ZBTB20: variants seen among roughly 807,000 people sequenced by gnomAD.
ZBTB20 encodes zinc finger and BTB domain-containing protein 20.
In ZBTB20, 9 loss-of-function variants were observed where a neutral mutation model predicts 56.9. That is an observed-to-expected ratio of 0.16 (90% CI 0.10 to 0.28). ZBTB20 has a LOEUF of 0.28. ZBTB20 is among the 10% of genes least tolerant of loss of function. The pLI is 1.00. For synonymous variants in ZBTB20, 417 were observed against 420.7 expected (o/e 0.99, Z 0.11); for missense variants, 655 against 1,003.0 (o/e 0.65, Z 4.69).
At position 114,648,875 on chromosome 3, in the gene ZBTB20, T is replaced by C. The variant is rs1334411225; in HGVS notation, c.-295+44653A>G. ...CCTAAAATGAAACTAAGGCAAATAT[T>C]ATTTATTCTAGCTTCTACTCTTTTG... On this transcript the variant is annotated intron_variant, in intron 6 of 11. Transcript: ENST00000675478. Among the ~76,000 whole-genome samples, 3 of 152,114 alleles carry C rather than the reference T, an allele frequency of 2.0e-5. No individual in the cohort carries two copies. In the East Asian group the frequency reaches 5.8e-4, roughly 29 times the overall value.
chr3:114,851,174 G>GA (rs1279286878), intron 4 of ZBTB20, among the ~76,000 whole-genome samples: 3 of 152,186 alleles, frequency 2.0e-5, no homozygotes, highest in African/African-American at 7.2e-5. Flanking sequence ...ACTCATGCAA[G>GA]AAAAAACAGA....
At chr3:114,934,526 A>G (rs2076467242) in intron 3 of ZBTB20, among the ~76,000 whole-genome samples, 1 of 152,180 alleles carries the variant, frequency 6.6e-6, no homozygotes, top group Non-Finnish European at 1.5e-5. Flanking sequence ...ATAGCACCAA[A>G]TTTAAATAAA....
chr3:114,756,555 T>C (rs1162263518), intron 5 of ZBTB20, among the ~76,000 whole-genome samples: 1 of 152,190 alleles, frequency 6.6e-6, no homozygotes, highest in Admixed American at 6.5e-5. Flanking sequence ...TACATACACA[T>C]ACATTTTTTA....
intron 1 of ZBTB20, among the ~76,000 whole-genome samples, chr3:115,106,159 G>A (rs377090304): frequency 3.3e-5 from 5 of 151,690 alleles, no homozygotes; most frequent in Non-Finnish European, 5.9e-5. Context: ...TAATTGCTAC[G>A]CTAAGTAAAT....
chr3:114,879,517 CTTAAATTGCA>C (rs1035382719), intron 4 of ZBTB20, among the ~76,000 whole-genome samples: 4 of 152,108 alleles, frequency 2.6e-5, no homozygotes, highest in Non-Finnish European at 5.9e-5. Context: ...TAAAAACAGC[CTTAAATTGCA>C]GAGAACCTGA....
chr3:114,497,896 A>C (rs1246908260), intron 7 of ZBTB20, among the ~76,000 whole-genome samples: 1 of 152,216 alleles, frequency 6.6e-6, no homozygotes, highest in African/African-American at 2.4e-5. Context: ...GTAGGAGCCC[A>C]TTAGCAATCT....
intron 3 of ZBTB20, among the ~76,000 whole-genome samples, chr3:114,966,017 T>C (rs912177071): frequency 1.3e-5 from 2 of 152,160 alleles, no homozygotes; most frequent in Non-Finnish European, 2.9e-5. Flanking sequence ...AACATTTCCT[T>C]AAAATCCATA....
At chr3:114,599,278 T>C (rs535514752) in intron 6 of ZBTB20, 1 of 152,186 alleles carries the variant, frequency 6.6e-6, no homozygotes, top group African/African-American at 2.4e-5. Flanking sequence ...GACTCAGAAA[T>C]GTTCTTCTCT....
chr3:115,029,248 A>T (rs182609311), intron 2 of ZBTB20, among the ~76,000 whole-genome samples: 1 of 150,940 alleles, frequency 6.6e-6, no homozygotes, highest in East Asian at 1.9e-4. Context: ...ATAAATTAAG[A>T]CATCTTCCAG....
chr3:114,522,355 A>G (rs750602811), intron 6 of ZBTB20, among the ~76,000 whole-genome samples: 1 of 152,106 alleles, frequency 6.6e-6, no homozygotes, highest in Non-Finnish European at 1.5e-5. Context: ...GAGGGGAGTG[A>G]GCTAGGGTGG....
At chr3:114,697,516 T>A (rs781142075) in intron 5 of ZBTB20, among the ~76,000 whole-genome samples, 1 of 152,008 alleles carries the variant, frequency 6.6e-6, no homozygotes, top group Non-Finnish European at 1.5e-5. Context: ...AAAAAAACTG[T>A]AAGTTTCCCC....
At chr3:115,011,479 T>C (rs1192649525) in intron 2 of ZBTB20, among the ~76,000 whole-genome samples, 1 of 151,844 alleles carries the variant, frequency 6.6e-6, no homozygotes, top group Non-Finnish European at 1.5e-5. Context: ...GGAAACTTTA[T>C]AGGCCAGCAG....
At chr3:114,949,291 T>C (rs1240837971) in intron 3 of ZBTB20, among the ~76,000 whole-genome samples, 4 of 146,298 alleles carry the variant, frequency 2.7e-5, no homozygotes, top group African/African-American at 5.6e-5. Flanking sequence ...AATGCAGACC[T>C]ACATTTTAAT....
intron 6 of ZBTB20, among the ~76,000 whole-genome samples, chr3:114,627,166 T>C (rs2058700497): frequency 6.6e-6 from 1 of 152,224 alleles, no homozygotes; most frequent in Non-Finnish European, 1.5e-5. Flanking sequence ...ATGCAAAGCA[T>C]TCCATCTGTA....
At chr3:114,464,053 T>C (rs557471138) in intron 7 of ZBTB20, among the ~76,000 whole-genome samples, 53 of 152,360 alleles carry the variant, frequency 3.5e-4, no homozygotes, top group African/African-American at 1.3e-3. Flanking sequence ...AACTAGACTA[T>C]ATGCTCCCTG....
At chr3:114,723,852 C>T (rs1447704454) in intron 5 of ZBTB20, among the ~76,000 whole-genome samples, 3 of 151,908 alleles carry the variant, frequency 2.0e-5, no homozygotes, top group Non-Finnish European at 2.9e-5. Context: ...AAAAGATATA[C>T]TTGGGTTTCT....
intron 3 of ZBTB20, among the ~76,000 whole-genome samples, chr3:114,963,339 T>G (rs1202257495): frequency 6.6e-6 from 1 of 152,100 alleles, no homozygotes; most frequent in African/African-American, 2.4e-5. Context: ...CTAGATGAAT[T>G]TTCCCTTGGC....
intron 4 of ZBTB20, among the ~76,000 whole-genome samples, chr3:114,877,312 G>A (rs1037879343): frequency 6.6e-6 from 1 of 152,136 alleles, no homozygotes; most frequent in African/African-American, 2.4e-5. Context: ...AGGAACTGTT[G>A]GTTCCTCTCA....
intron 10 of ZBTB20, among the ~76,000 whole-genome samples, chr3:114,371,275 C>T (rs1309739439): frequency 2.0e-5 from 3 of 152,068 alleles, no homozygotes; most frequent in African/African-American, 4.8e-5. Context: ...TACAAACTTT[C>T]TAAATTCTCA....
Sources: allele counts gnomAD v4.1 joint callset (sites outside exome capture counted in the v4.1 genomes callset), GRCh38; gene constraint gnomAD v4.1.1; transcripts MANE v1.5; gene names NCBI Gene and HGNC (gene_info 2026-07-23, HGNC 2026-07-21).